NAT10: variants seen among roughly 807,000 people sequenced by gnomAD.
NAT10 encodes RNA cytidine acetyltransferase.
Under a neutral mutation model 132.2 loss-of-function variants are expected in NAT10, and 109 were observed. That is an observed-to-expected ratio of 0.82 (90% CI 0.71 to 0.97). The LOEUF (loss-of-function observed/expected upper bound fraction) is 0.97. Ranked by LOEUF, NAT10 falls within the 50% of genes least tolerant of loss-of-function variation. The pLI is 0.00. For missense variants in NAT10, 1,184 were observed against 1,263.4 expected, an observed-to-expected ratio of 0.94 and a Z score of 0.95; for synonymous variants, 479 against 478.0, an observed-to-expected ratio of 1.00 and a Z score of -0.03.
chr11:34,114,998 C>CA lies in NAT10; in HGVS notation c.496-817dup, dbSNP rs201214227. On this transcript the variant is annotated intron_variant, in intron 5 of 28. Transcript: ENST00000257829. ...TGAAACCTCGTCTCTACCAAAAATACAAAAAAAATTAACCAGGTGTGGTGG... is the reference window on the plus strand; with the variant it reads ...TGAAACCTCGTCTCTACCAAAAATACAAAAAAAAATTAACCAGGTGTGGTGG... Among the ~76,000 whole-genome samples the CA allele has an allele frequency of 1.7e-3, 253 of 151,700 alleles. 6 individuals carry two copies. In the East Asian group the frequency reaches 0.044, roughly 26 times the overall value.
rs1851949676 is a variant in NAT10 at position 34,124,395 on chromosome 11, A to G, written c.1102A>G (p.Ile368Val). 6.2e-7 allele frequency: 1 copy of G among 1,612,852 alleles called. No individual in the cohort carries two copies. The highest frequency in any genetic ancestry group is 8.5e-7 in the Non-Finnish European group (1 of 1,178,990). Residue 368 changes from isoleucine (I) to valine (V), a missense_variant, in exon 11 of 29, where the codon ATT (isoleucine) becomes GTT (valine). By Grantham distance (29) the Ile-to-Val change is conservative (BLOSUM62 3). Coordinates refer to ENST00000257829, the MANE Select transcript of NAT10 (RefSeq NM_024662.3). ...TGTATTTCGAGAACACAGGCAGACT[A>G]TTCAGGTGAGGCTTGTTCTCAGACC... ...VNVFREHRQT[I>V]QYIHPADAVK...
Position 34,115,830 on chromosome 11 carries a change from A to G in NAT10, c.503A>G (p.His168Arg), listed in dbSNP as rs370756170. 1.2e-6 allele frequency: 2 copies of G among 1,613,948 alleles called. No individual in the cohort carries two copies. The highest frequency in any genetic ancestry group is 8.5e-7 in the Non-Finnish European group (1 of 1,179,980). The stretch of plus-strand genomic sequence containing the variant: ...GTTGTCTTTCTTTGTTAGGATGTGC[A>G]TTCCAGGTACAGAACTGAGGCCCAT... ...KQLYTVTMDV[H>R]SRYRTEAHQD... Residue 168 changes from histidine (H) to arginine (R), a missense_variant, in exon 6 of 29, where the codon CAT becomes CGT. Physicochemically the swap from His to Arg is conservative, Grantham distance 29 (BLOSUM62 0). Transcript: ENST00000257829.
At chr11:34,130,735 G>A in intron 12 of NAT10, 78 bp from the exon 13 acceptor site, 1 of 1,547,524 alleles carries the variant, frequency 6.5e-7, no homozygotes. Context: ...TCAGCAGGTG[G>A]AGGAAAGCAG....
Position 34,108,800 on chromosome 11 carries a change from T to C in NAT10, c.167T>C (p.Leu56Pro). The C allele has an allele frequency of 6.2e-7, 1 of 1,614,030 alleles. No individual in the cohort carries two copies. Among genetic ancestry groups the C allele is most frequent in the Non-Finnish European group, 8.5e-7 (1 of 1,179,966 alleles). ...KATVKARPSVLWCYKKELGFS... is the reference protein window; with the variant it reads ...KATVKARPSVPWCYKKELGFS... The stretch of plus-strand genomic sequence containing the variant: ...ACTGTGAAGGCTCGGCCTTCAGTGC[T>C]GTGGTGTTATAAGAAAGAGCTGGGG... The change falls in exon 3 of 29, where the codon CTG becomes CCG. Residue 56 changes from leucine (L) to proline (P), a missense_variant. Physicochemically the swap from Leu to Pro is moderately conservative, Grantham distance 98. Coordinates refer to ENST00000257829, the MANE Select transcript of NAT10 (RefSeq NM_024662.3).
In NAT10 at chr11:34,140,484, ATCACC is replaced by A; in HGVS notation, c.2508_2512del (p.Leu837HisfsTer37). On this transcript the variant is annotated frameshift_variant, in exon 24 of 29. Transcript: ENST00000257829. LOFTEE classifies it high-confidence loss of function. ...ATGTATTCACGGAATATGGTGGACT[ATCACC>A]TCATCATGGACATGATCCCGGCCAT... is the stretch of plus-strand genomic sequence containing the variant. 6.2e-7 allele frequency: 1 copy of A among 1,614,158 alleles called. No individual in the cohort carries two copies.
chr11:34,114,498 A>T (rs1363024947), intron 5 of NAT10, among the ~76,000 whole-genome samples: 1 of 152,076 alleles, frequency 6.6e-6, no homozygotes, highest in Non-Finnish European at 1.5e-5. Flanking sequence ...GATGAAATGG[A>T]CTTTCCTCAA....
chr11:34,122,702 T>C (rs1364893417), intron 9 of NAT10, 110 bp downstream of exon 9: 1 of 1,404,752 alleles, frequency 7.1e-7, no homozygotes, highest in East Asian at 2.5e-5. Context: ...GAGTTCTGAG[T>C]GGGTTCAGTG....
intron 19 of NAT10, among the ~76,000 whole-genome samples, chr11:34,136,378 G>A (rs1006862069): frequency 2.0e-5 from 3 of 152,126 alleles, no homozygotes; most frequent in African/African-American, 7.2e-5. Context: ...CACCACTCCC[G>A]GCCTCTGTCA....
intron 12 of NAT10, among the ~76,000 whole-genome samples, chr11:34,129,130 C>T (rs778453941): frequency 1.3e-5 from 2 of 152,126 alleles, no homozygotes; most frequent in Non-Finnish European, 2.9e-5. Context: ...TTTGCGTGGA[C>T]ATGTTTTTCA....
intron 8 of NAT10, among the ~76,000 whole-genome samples, chr11:34,121,858 CAAAAAAAAAAAA>C (rs34304264): frequency 5.4e-5 from 2 of 36,836 alleles, no homozygotes; most frequent in Middle Eastern, 0.029. Context: ...GACTCTGTCT[CAAAAAAAAAAAA>C]AAAAAAAAAA....
At chr11:34,120,272 CTGTTA>C (rs1484038830) in intron 8 of NAT10, among the ~76,000 whole-genome samples, 1 of 148,710 alleles carries the variant, frequency 6.7e-6, no homozygotes, top group East Asian at 2.0e-4. Flanking sequence ...TGGTACCATT[CTGTTA>C]TGTCATTGGA....
chr11:34,113,214 T>G (rs1851725745), intron 4 of NAT10, among the ~76,000 whole-genome samples: 1 of 152,212 alleles, frequency 6.6e-6, no homozygotes, highest in Non-Finnish European at 1.5e-5. Flanking sequence ...GAGCTATAAA[T>G]GTCAGAAAAT....
chr11:34,130,334 A>G (rs932066595), intron 12 of NAT10, among the ~76,000 whole-genome samples: 1 of 152,208 alleles, frequency 6.6e-6, no homozygotes, highest in Non-Finnish European at 1.5e-5. Context: ...TTATTTTCCA[A>G]ACTGGAAATG....
chr11:34,143,376 T>G, intron 27 of NAT10, 69 bp from the exon 28 acceptor site: 1 of 1,324,958 alleles, frequency 7.5e-7, no homozygotes, highest in Non-Finnish European at 1.1e-6. Flanking sequence ...GTTGTCACTG[T>G]CGTTATTTTC....
chr11:34,123,426 C>T (rs138713073), intron 9 of NAT10, among the ~76,000 whole-genome samples: 91 of 152,366 alleles, frequency 6.0e-4, no homozygotes, highest in African/African-American at 2.1e-3. Context: ...ATTGAGCTCC[C>T]CAGCTTCACC....
Position 34,140,430 on chromosome 11 carries a change from T to C in NAT10, c.2450T>C (p.Phe817Ser). 6.2e-7 allele frequency: 1 copy of C among 1,614,056 alleles called. No individual in the cohort carries two copies. Among genetic ancestry groups the C allele is most frequent in the Non-Finnish European group, 8.5e-7 (1 of 1,179,946 alleles). Residue 817 changes from phenylalanine (F) to serine (S), a missense_variant, in exon 24 of 29, where the codon TTC becomes TCC. By Grantham distance (155) the Phe-to-Ser change is radical (BLOSUM62 -2). Transcript: ENST00000257829. ...AGCCGGGAGGAGCTGGAAGCACTCT[T>C]CCTCCCCTATGACCTGAAGCGGCTG... ...ALSREELEAL[F>S]LPYDLKRLEM...
At position 34,113,845 on chromosome 11, in the gene NAT10, A is replaced by G; in HGVS notation, c.495+7A>G. On this transcript the variant is annotated splice_region_variant and intron_variant, in intron 5 of 28. Coordinates refer to ENST00000257829, the MANE Select transcript of NAT10 (RefSeq NM_024662.3). ...ATTGTACACAGTGACTATGGTAAGC[A>G]TCTGTTTTTTAACTTAATTGTGAGG... The G allele has an allele frequency of 1.9e-6, 3 of 1,611,052 alleles. No homozygotes were observed. Among genetic ancestry groups the G allele is most frequent in the Non-Finnish European group, 2.5e-6 (3 of 1,178,904 alleles).
In NAT10 at chr11:34,143,491, A is replaced by G; in HGVS notation, c.2932A>G (p.Lys978Glu). 2 of 1,614,204 alleles carry G rather than the reference A, an allele frequency of 1.2e-6. No individual in the cohort carries two copies. Among genetic ancestry groups the G allele is most frequent in the Non-Finnish European group, 1.7e-6 (2 of 1,180,030 alleles). Residue 978 changes from lysine (K) to glutamate (E), a missense_variant, in exon 28 of 29, where the codon AAA (lysine) becomes GAA (glutamate). Coordinates refer to ENST00000257829, the MANE Select transcript of NAT10 (RefSeq NM_024662.3). Reference sequence around the variant, plus strand: ...TGAAGAGTGGAATGAAGTTTTGAACAAAGCTGGGCCGAACGCCTCGATCAT... The same window carrying G: ...TGAAGAGTGGAATGAAGTTTTGAACGAAGCTGGGCCGAACGCCTCGATCAT... ...DDEEWNEVLNKAGPNASIISL... is the reference protein window; with the variant it reads ...DDEEWNEVLNEAGPNASIISL...
intron 2 of NAT10, 35 bp from the exon 3 acceptor site, chr11:34,108,707 T>G (rs759892430): frequency 6.3e-7 from 1 of 1,585,404 alleles, no homozygotes; most frequent in Non-Finnish European, 8.6e-7. Context: ...AAGTCTCTTT[T>G]GTGCCTGAAA....
Sources: gnomAD v4.1 joint callset for allele counts (sites outside exome capture counted in the v4.1 genomes callset) on GRCh38, gnomAD v4.1.1 for gene constraint, MANE v1.5 for transcripts, NCBI Gene and HGNC (gene_info 2026-07-23, HGNC 2026-07-21) for gene names.